Variants in DTWD2 observed in about 807,000 individuals in gnomAD.
The protein encoded by DTWD2 is DTW motif tRNA-uridine aminocarboxypropyltransferase 2, also known as tRNA-uridine aminocarboxypropyltransferase 2.
A neutral mutation model predicts 31.8 loss-of-function variants in DTWD2; 39 were observed. The ratio of observed to expected loss-of-function variants is 1.22; its 90% CI spans 0.95 to 1.60. The LOEUF is 1.60. Ranked by LOEUF, DTWD2 falls within the 40% of genes most tolerant of loss-of-function variation. The pLI is 0.00. For missense variants in DTWD2, 515 were observed against 381.5 expected, an observed-to-expected ratio of 1.35 and a Z score of -2.92; for synonymous variants, 180 against 142.8, an observed-to-expected ratio of 1.26 and a Z score of -1.86.
At chr5:118,927,781 AC>A (rs781406866) in intron 4 of DTWD2, among the ~76,000 whole-genome samples, 1 of 152,162 alleles carries the variant, frequency 6.6e-6, no homozygotes, top group Admixed American at 6.5e-5. Context: ...AAGTGATTTC[AC>A]CAATGAGTTC....
At chr5:118,856,939 AT>A (rs202119693) in intron 4 of DTWD2, among the ~76,000 whole-genome samples, 1 of 149,990 alleles carries the variant, frequency 6.7e-6, no homozygotes, top group African/African-American at 2.4e-5. Flanking sequence ...CGCCCAATTA[AT>A]TTTTTTTTGT....
At chr5:118,945,067 A>G (rs1754301544) in intron 1 of DTWD2, among the ~76,000 whole-genome samples, 1 of 152,226 alleles carries the variant, frequency 6.6e-6, no homozygotes, top group Admixed American at 6.5e-5. Context: ...ACTAGAATAT[A>G]ATTACCAACT....
intron 4 of DTWD2, among the ~76,000 whole-genome samples, chr5:118,885,827 T>C (rs1236932068): frequency 6.6e-6 from 1 of 151,792 alleles, no homozygotes; most frequent in African/African-American, 2.4e-5. Flanking sequence ...TAGCCAGGCA[T>C]GGTAACATGC....
intron 1 of DTWD2, among the ~76,000 whole-genome samples, chr5:118,981,066 G>C (rs1047656659): frequency 3.3e-5 from 5 of 152,124 alleles, no homozygotes; most frequent in Non-Finnish European, 1.5e-5. Context: ...GATGGACCTT[G>C]AAAACATTAT....
At chr5:118,916,292 G>T (rs1255821513) in intron 4 of DTWD2, among the ~76,000 whole-genome samples, 1 of 152,172 alleles carries the variant, frequency 6.6e-6, no homozygotes, top group Non-Finnish European at 1.5e-5. Context: ...TGTGGTCCAT[G>T]ATTATTTTTT....
At chr5:118,877,601 G>A (rs1419399413) in intron 4 of DTWD2, among the ~76,000 whole-genome samples, 2 of 152,098 alleles carry the variant, frequency 1.3e-5, no homozygotes, top group South Asian at 2.1e-4. Flanking sequence ...GGCAAAAGAG[G>A]GAAGTATACC....
intron 1 of DTWD2, among the ~76,000 whole-genome samples, chr5:118,973,633 G>C (rs1306972293): frequency 6.7e-6 from 1 of 149,198 alleles, no homozygotes; most frequent in Non-Finnish European, 1.5e-5. Context: ...CAGCCTCCTT[G>C]CTCGCGGCAG....
chr5:118,842,306 A>T (rs949100690), intron 5 of DTWD2, among the ~76,000 whole-genome samples: 1 of 152,196 alleles, frequency 6.6e-6, no homozygotes, highest in Non-Finnish European at 1.5e-5. Flanking sequence ...TCTATCCAAG[A>T]AGATGTAACT....
At chr5:118,984,951 T>C (rs1755390586) in intron 1 of DTWD2, among the ~76,000 whole-genome samples, 1 of 152,190 alleles carries the variant, frequency 6.6e-6, no homozygotes, top group African/African-American at 2.4e-5. Context: ...TAAAAAAGTA[T>C]AAATTATACA....
chr5:118,841,191 G>A (rs1308734495), intron 5 of DTWD2, 104 bp from the exon 6 acceptor site: 6 of 1,337,990 alleles, frequency 4.5e-6, no homozygotes, highest in Non-Finnish European at 6.1e-6. Context: ...CTTTTATTAT[G>A]ATTGGCTTTT....
chr5:118,899,241 CAT>C (rs1753150549), intron 4 of DTWD2, among the ~76,000 whole-genome samples: 1 of 152,196 alleles, frequency 6.6e-6, no homozygotes. Context: ...GAAGAAAACA[CAT>C]GTCAGATAAG....
In DTWD2 at chr5:118,987,489, T is replaced by C. The variant is rs78931637; in HGVS notation, c.218+805A>G. Among the ~76,000 whole-genome samples the C allele has an allele frequency of 2.5e-3, 387 of 152,358 alleles. 1 individual carries two copies. The highest frequency in any genetic ancestry group is 8.8e-3 in the African/African-American group (367 of 41,580). On this transcript the variant is annotated intron_variant, in intron 1 of 5. Transcript: ENST00000510708. ...AATGCTTTTCCCCTGGCTGGATTCT[T>C]CTCATCTTTCAAATCTCAGAGATAG...
In DTWD2 at chr5:118,955,820, G is replaced by A. The variant is rs961412807; in HGVS notation, c.219-11171C>T. Among the ~76,000 whole-genome samples, 3 of 151,274 alleles carry A rather than the reference G, an allele frequency of 2.0e-5. No individual in the cohort carries two copies. In the East Asian group the frequency reaches 5.8e-4, roughly 29 times the overall value. On this transcript the variant is annotated intron_variant, in intron 1 of 5. Transcript: ENST00000510708. The stretch of plus-strand genomic sequence containing the variant: ...TCTTAAAAAAAAAAAAAAGTTCCTT[G>A]CTTCCTATGAACTATTATACTTGAC...
intron 1 of DTWD2, among the ~76,000 whole-genome samples, chr5:118,950,673 A>T (rs531537908): frequency 5.4e-4 from 83 of 152,322 alleles, no homozygotes; most frequent in Non-Finnish European, 1.1e-3. Flanking sequence ...CACTTGAAGC[A>T]AGATCCTGGG....
At chr5:118,893,019 TA>T (rs34086972) in intron 4 of DTWD2, among the ~76,000 whole-genome samples, 19,365 of 151,620 alleles carry the variant, frequency 0.13, 1,622 homozygotes, top group Non-Finnish European at 0.19. Flanking sequence ...ATTGTTAAGT[TA>T]AAAATATATA....
intron 4 of DTWD2, among the ~76,000 whole-genome samples, chr5:118,860,253 T>C (rs763422022): frequency 1.3e-5 from 2 of 150,112 alleles, no homozygotes; most frequent in African/African-American, 2.4e-5. Context: ...CTTAAATGAA[T>C]ATATCATATA....
chr5:118,843,336 AGGGAGGGAGGC>A (rs1279078748), intron 5 of DTWD2, among the ~76,000 whole-genome samples: 1 of 145,576 alleles, frequency 6.9e-6, no homozygotes, highest in African/African-American at 2.7e-5. Context: ...GAAGCGAGGG[AGGGAGGGAGGC>A]AGGGAGGGAG....
chr5:118,861,283 T>C (rs1752254589), intron 4 of DTWD2, among the ~76,000 whole-genome samples: 1 of 152,224 alleles, frequency 6.6e-6, no homozygotes, highest in African/African-American at 2.4e-5. Context: ...GATTGAAGTT[T>C]ATGATTAGAG....
intron 1 of DTWD2, among the ~76,000 whole-genome samples, chr5:118,971,479 T>C (rs996936857): frequency 3.3e-5 from 5 of 151,394 alleles, no homozygotes; most frequent in Non-Finnish European, 1.5e-5. Flanking sequence ...CCCAGATTCA[T>C]AAAGCAAGTT....
Sources: allele counts gnomAD v4.1 joint callset (sites outside exome capture counted in the v4.1 genomes callset), GRCh38; gene constraint gnomAD v4.1.1; transcripts MANE v1.5; gene names NCBI Gene and HGNC (gene_info 2026-07-23, HGNC 2026-07-21).